Variants in CD47 observed in about 807,000 individuals in gnomAD.
CD47 encodes CD47 molecule, also known as leukocyte surface antigen CD47.
In CD47, 11 loss-of-function variants were observed where a neutral mutation model predicts 44.6. The ratio of observed to expected loss-of-function variants is 0.25; its 90% CI spans 0.16 to 0.41. CD47 has a LOEUF of 0.41. Ranked by LOEUF, CD47 falls within the 10% of genes least tolerant of loss-of-function variation. CD47 has a pLI of 1.00. For synonymous variants in CD47, 140 were observed against 136.3 expected, an observed-to-expected ratio of 1.03 and a Z score of -0.19; for missense variants, 306 against 386.7, an observed-to-expected ratio of 0.79 and a Z score of 1.75.
In CD47 at chr3:108,044,405, T is replaced by C. The variant is rs2078679583; in HGVS notation, c.*2883A>G. 1.1e-5 allele frequency: 1 copy of C among 93,664 alleles called. No homozygotes were observed. Among genetic ancestry groups the C allele is most frequent in the Non-Finnish European group, 2.0e-5 (1 of 50,396 alleles). The allele number at this position is 93,664 out of a possible 1,614,324, so 5.8% of individuals were successfully genotyped here. On this transcript the variant is annotated 3_prime_UTR_variant, in exon 11 of 11. Coordinates refer to ENST00000361309, the MANE Select transcript of CD47 (RefSeq NM_001777.4). ...CACCTTTGAAGGTTTTTAGAGCATG[T>C]GAAATTAGTCAAAAAAAAAAAAAAA... is the stretch of plus-strand genomic sequence containing the variant.
At chr3:108,075,861 T>C (rs1032327107) in intron 2 of CD47, among the ~76,000 whole-genome samples, 16 of 152,188 alleles carry the variant, frequency 1.1e-4, no homozygotes, top group African/African-American at 1.9e-4. Flanking sequence ...AAACTCAATA[T>C]GTGAGAGGGA....
intron 3 of CD47, among the ~76,000 whole-genome samples, chr3:108,061,805 C>A (rs2079020032): frequency 6.6e-6 from 1 of 152,138 alleles, no homozygotes; most frequent in South Asian, 2.1e-4. Flanking sequence ...GTGTCATCCA[C>A]ATAGAGATAG....
At chr3:108,062,837 G>A (rs1454440438) in intron 3 of CD47, among the ~76,000 whole-genome samples, 2 of 138,338 alleles carry the variant, frequency 1.4e-5, no homozygotes, top group African/African-American at 5.3e-5. Flanking sequence ...TTTTTTTTTA[G>A]TAGAGACGGG....
intron 3 of CD47, among the ~76,000 whole-genome samples, chr3:108,061,666 T>C (rs2108237792): frequency 6.6e-6 from 1 of 152,350 alleles, no homozygotes; most frequent in Non-Finnish European, 1.5e-5. Flanking sequence ...TTAGTTCTTT[T>C]ACTATATATG....
At chr3:108,049,105 TC>T (rs2078776086) in intron 10 of CD47, among the ~76,000 whole-genome samples, 1 of 12,102 alleles carries the variant, frequency 8.3e-5, no homozygotes, top group Non-Finnish European at 1.7e-4. Context: ...TCTCTCTCTC[TC>T]TCTCTCTCTC....
chr3:108,051,060 C>T (rs1002711191), intron 8 of CD47, among the ~76,000 whole-genome samples: 10 of 152,232 alleles, frequency 6.6e-5, no homozygotes, highest in Non-Finnish European at 1.3e-4. Flanking sequence ...ACCAACATAG[C>T]TATGGCACCA....
At chr3:108,069,122 T>C (rs2079152411) in intron 3 of CD47, among the ~76,000 whole-genome samples, 1 of 152,188 alleles carries the variant, frequency 6.6e-6, no homozygotes, top group Admixed American at 6.5e-5. Context: ...TCATCTGCAA[T>C]AGTAGTTGAT....
intron 2 of CD47, among the ~76,000 whole-genome samples, chr3:108,074,219 C>G (rs752295472): frequency 2.6e-5 from 4 of 152,178 alleles, no homozygotes; most frequent in Non-Finnish European, 4.4e-5. Context: ...TAGATGACTA[C>G]TTGATGACTC....
intron 1 of CD47, among the ~76,000 whole-genome samples, chr3:108,087,247 G>A (rs966387968): frequency 8.2e-4 from 125 of 152,136 alleles, no homozygotes; most frequent in African/African-American, 2.9e-3. Context: ...GTACAAAAAG[G>A]ATGAAGTCAG....
At position 108,080,333 on chromosome 3, in the gene CD47, G is replaced by T. The variant is rs1165466070; in HGVS notation, c.58C>A (p.Leu20Ile). 1.3e-6 allele frequency: 2 copies of T among 1,573,404 alleles called. No homozygotes were observed. Among genetic ancestry groups the T allele is most frequent in the Non-Finnish European group, 8.7e-7 (1 of 1,147,236 alleles). The part of the protein sequence containing the change: ...LGSACCGSAQ[L>I]LFNKTKSVEF... ...ACAGATTTTGTTTTATTAAATAGTA[G>T]CTGAGCTGATCCTGGAAAGGAAAAA... Residue 20 changes from leucine (L) to isoleucine (I), a missense_variant, in exon 2 of 11, where the codon CTA becomes ATA. Transcript: ENST00000361309.
chr3:108,068,161 A>T (rs12488322), intron 3 of CD47, among the ~76,000 whole-genome samples: 14,950 of 152,268 alleles, frequency 0.098, 1,485 homozygotes, highest in East Asian at 0.56. Context: ...GGATTCTAAA[A>T]AATATACATC....
intron 7 of CD47, chr3:108,055,648 A>G (rs2078901400): frequency 2.8e-6 from 2 of 707,638 alleles, no homozygotes; most frequent in Non-Finnish European, 4.4e-6. Flanking sequence ...AATTGCACTA[A>G]ATTTTAAACA....
At chr3:108,048,236 T>TA (rs2078752343) in intron 10 of CD47, among the ~76,000 whole-genome samples, 1 of 152,124 alleles carries the variant, frequency 6.6e-6, no homozygotes, top group South Asian at 2.1e-4. Context: ...TAGTCTTTTT[T>TA]AGGAGGGTAA....
At chr3:108,083,064 A>T (rs2079447509) in intron 1 of CD47, among the ~76,000 whole-genome samples, 1 of 152,034 alleles carries the variant, frequency 6.6e-6, no homozygotes, top group African/African-American at 2.4e-5. Context: ...AAACTATTTA[A>T]AATGTAGAGA....
chr3:108,059,378 A>C (rs2078973175), intron 5 of CD47, 74 bp downstream of exon 5: 1 of 674,262 alleles, frequency 1.5e-6, no homozygotes, highest in Admixed American at 3.0e-5. Flanking sequence ...AATTTATATG[A>C]GCATTTTCAC....
chr3:108,076,630 C>T (rs2079316373), intron 2 of CD47, among the ~76,000 whole-genome samples: 1 of 152,148 alleles, frequency 6.6e-6, no homozygotes, highest in South Asian at 2.1e-4. Flanking sequence ...CCATCTATCT[C>T]CTAGAGTTCT....
At chr3:108,085,136 A>G (rs1380279763) in intron 1 of CD47, among the ~76,000 whole-genome samples, 1 of 152,066 alleles carries the variant, frequency 6.6e-6, no homozygotes, top group Non-Finnish European at 1.5e-5. Flanking sequence ...CTCCAATCAT[A>G]ATGACGTTAT....
chr3:108,083,338 G>A (rs1286290241), intron 1 of CD47, among the ~76,000 whole-genome samples: 1 of 152,022 alleles, frequency 6.6e-6, no homozygotes, highest in Non-Finnish European at 1.5e-5. Context: ...GTCTAGAAAA[G>A]AGCTTTGTAG....
At chr3:108,055,231 C>T (rs2078893279) in intron 7 of CD47, among the ~76,000 whole-genome samples, 1 of 152,170 alleles carries the variant, frequency 6.6e-6, no homozygotes, top group Admixed American at 6.5e-5. Flanking sequence ...TTAAAAATCT[C>T]ATAGCGACAT....
Sources: gnomAD v4.1 joint callset for allele counts (sites outside exome capture counted in the v4.1 genomes callset) on GRCh38, gnomAD v4.1.1 for gene constraint, MANE v1.5 for transcripts, NCBI Gene and HGNC (gene_info 2026-07-23, HGNC 2026-07-21) for gene names.